Variants in DNAH6 observed in about 807,000 individuals in gnomAD.
DNAH6 encodes the protein dynein axonemal heavy chain 6, also known as axonemal beta dynein heavy chain 6.
DNAH6 carries 340 observed loss-of-function variants against 491.4 expected under a neutral mutation model. That is an observed-to-expected ratio of 0.69 (90% CI 0.63 to 0.76). DNAH6 has a LOEUF of 0.76. DNAH6 is among the 30% of genes least tolerant of loss of function. The probability of loss-of-function intolerance (pLI) is 0.00; values close to 1 mark genes in which losing one functional copy is unlikely to be tolerated. For synonymous variants in DNAH6, 1,603 were observed against 1,686.1 expected (o/e 0.95, Z 1.21); for missense variants, 4,443 against 4,972.2 (o/e 0.89, Z 3.20).
At chr2:84,592,414 G>T (rs907974150) in intron 16 of DNAH6, among the ~76,000 whole-genome samples, 1 of 152,140 alleles carries the variant, frequency 6.6e-6, no homozygotes, top group Admixed American at 6.5e-5. Context: ...ACATCTGTTA[G>T]AATGGCCATT....
At chr2:84,748,864 C>A (rs575300149) in intron 63 of DNAH6, among the ~76,000 whole-genome samples, 11 of 152,132 alleles carry the variant, frequency 7.2e-5, no homozygotes, top group Non-Finnish European at 1.5e-4. Context: ...GCAAGCTGTA[C>A]AAGTATGGCA....
In DNAH6 at chr2:84,713,153, GT is replaced by G; in HGVS notation, c.9438del (p.Ser3146ArgfsTer24). On this transcript the variant is annotated frameshift_variant, in exon 57 of 77. Coordinates refer to ENST00000389394, the MANE Select transcript of DNAH6 (RefSeq NM_001370.2). LOFTEE classifies it high-confidence loss of function. ...ATTCTTTTGAAACAAATTTTTATCAGTGGTGGCCGACTACTCATCCGTCTTG... is the reference window on the plus strand; with the variant it reads ...ATTCTTTTGAAACAAATTTTTATCAGGGTGGCCGACTACTCATCCGTCTTG... ...EPILLKQIFI[S>X]GGRLLIRLGD... 1 of 1,551,776 alleles carries G rather than the reference GT, an allele frequency of 6.4e-7. No individual in the cohort carries two copies.
chr2:84,707,769 C>G (rs1472215321), intron 54 of DNAH6, 53 bp downstream of exon 54: 3 of 1,415,200 alleles, frequency 2.1e-6, no homozygotes, highest in Non-Finnish European at 2.9e-6. Context: ...GAAACTGGAG[C>G]CAGGGGTGGT....
At chr2:84,618,403 G>T (rs1217630158) in intron 23 of DNAH6, among the ~76,000 whole-genome samples, 2 of 152,098 alleles carry the variant, frequency 1.3e-5, no homozygotes, top group African/African-American at 4.8e-5. Context: ...TCACATAGAA[G>T]AGCATCTCAT....
intron 42 of DNAH6, among the ~76,000 whole-genome samples, chr2:84,684,089 C>G (rs1409388692): frequency 6.6e-6 from 1 of 152,202 alleles, no homozygotes; most frequent in Non-Finnish European, 1.5e-5. Flanking sequence ...GAAGGACTCT[C>G]AAAGCTGGCA....
At chr2:84,525,461 A>G (rs1676520112) in intron 2 of DNAH6, 104 bp from the exon 3 acceptor site, 2 of 1,154,796 alleles carry the variant, frequency 1.7e-6, no homozygotes, top group Admixed American at 2.8e-5. Flanking sequence ...AATTAGTCCA[A>G]GGAGATCAAT....
At position 84,813,900 on chromosome 2, in the gene DNAH6, G is replaced by A. The variant is rs1680240603; in HGVS notation, c.11999-71G>A. 3 of 1,494,882 alleles carry A rather than the reference G, an allele frequency of 2.0e-6. No individual in the cohort carries two copies. The African/African-American group carries it at 4.2e-5, about 21-fold the overall frequency. The allele number at this position is 1,494,882 out of a possible 1,614,324, so 92.6% of individuals were successfully genotyped here. ...TCTAATGCCAGGGCAGCCTGGTTTG[G>A]ATGAAGGGGAATAGTGCCTGGGGAG... On this transcript the variant is annotated intron_variant, in intron 74 of 76. Coordinates refer to ENST00000389394, the MANE Select transcript of DNAH6 (RefSeq NM_001370.2).
intron 48 of DNAH6, among the ~76,000 whole-genome samples, chr2:84,700,061 C>G (rs1481418583): frequency 6.6e-6 from 1 of 151,980 alleles, no homozygotes; most frequent in Admixed American, 6.6e-5. Context: ...GAGTTTTGCC[C>G]CAAAGGAAAG....
intron 29 of DNAH6, among the ~76,000 whole-genome samples, chr2:84,633,310 A>G (rs1238778189): frequency 6.6e-6 from 1 of 152,030 alleles, no homozygotes; most frequent in East Asian, 1.9e-4. Context: ...CCTAATATTA[A>G]TATCTCCCCA....
At position 84,701,257 on chromosome 2, in the gene DNAH6, A is replaced by G. The variant is rs758895235; in HGVS notation, c.7979A>G (p.Tyr2660Cys). 1.3e-6 allele frequency: 2 copies of G among 1,551,850 alleles called. No homozygotes were observed. The change falls in exon 49 of 77, where the codon TAC becomes TGC. Residue 2660 changes from tyrosine (Y) to cysteine (C), a missense_variant. By Grantham distance (194) the Tyr-to-Cys change is radical. This residue lies in a region of DNAH6 where 2,977 missense variants were observed against 3,296.6 expected (regional missense o/e 0.90). Transcript: ENST00000389394. ...ERYYNELRRR[Y>C]YTTPTSYLEL... is the part of the protein sequence containing the mutation. ...TATTACAATGAGCTGCGCAGGCGGTACTACACGACACCCACCTCCTACCTG... is the reference window on the plus strand; with the variant it reads ...TATTACAATGAGCTGCGCAGGCGGTGCTACACGACACCCACCTCCTACCTG...
At chr2:84,768,654 G>C (rs1675317719) in intron 64 of DNAH6, among the ~76,000 whole-genome samples, 1 of 152,046 alleles carries the variant, frequency 6.6e-6, no homozygotes, top group Non-Finnish European at 1.5e-5. Flanking sequence ...CCACAGAAAA[G>C]TATATAATAT....
chr2:84,579,759 A>G, intron 14 of DNAH6, 80 bp downstream of exon 14: 1 of 1,236,982 alleles, frequency 8.1e-7, no homozygotes, highest in Non-Finnish European at 1.1e-6. Flanking sequence ...AAAGTGAAGG[A>G]CTAAGGGGCA....
chr2:84,564,567 A>G (rs1385587161), intron 11 of DNAH6, among the ~76,000 whole-genome samples: 1 of 152,170 alleles, frequency 6.6e-6, no homozygotes, highest in Non-Finnish European at 1.5e-5. Flanking sequence ...CAAGTCATTT[A>G]TCAGTTCTAG....
intron 58 of DNAH6, among the ~76,000 whole-genome samples, chr2:84,716,498 C>G (rs779034830): frequency 6.6e-6 from 1 of 152,068 alleles, no homozygotes; most frequent in Non-Finnish European, 1.5e-5. Flanking sequence ...TCCTGACTTA[C>G]CTATGTTGTC....
Position 84,593,900 on chromosome 2 carries a change from TA to T in DNAH6, c.2611-70del, listed in dbSNP as rs1022877929. ...AAGCAATCACTGTACCAAGAATTAC[TA>T]ATAGGAGAATAGCATATGCTCATTA... On this transcript the variant is annotated intron_variant, in intron 16 of 76. Transcript: ENST00000389394. The T allele has an allele frequency of 3.8e-5, 30 of 791,890 alleles. 2 individuals carry two copies. In the Admixed American group the frequency reaches 8.0e-4, roughly 21 times the overall value. The allele number at this position is 791,890 out of a possible 1,614,324, so 49.1% of individuals were successfully genotyped here. A position where few individuals can be genotyped will look rare whatever the true frequency, so the allele number is the denominator to read the frequency against.
At chr2:84,626,470 T>C (rs891350124) in intron 29 of DNAH6, among the ~76,000 whole-genome samples, 2 of 152,222 alleles carry the variant, frequency 1.3e-5, no homozygotes, top group African/African-American at 2.4e-5. Context: ...TTTAATAGAA[T>C]AATTGGCCCC....
intron 29 of DNAH6, among the ~76,000 whole-genome samples, chr2:84,634,205 C>T (rs753052100): frequency 6.6e-6 from 1 of 152,054 alleles, no homozygotes; most frequent in Non-Finnish European, 1.5e-5. Context: ...ATGTGTTAAA[C>T]TATTTGAGAA....
the DNAH6 span, among the ~76,000 whole-genome samples, chr2:84,496,470 T>C: frequency 6.6e-6 from 1 of 152,244 alleles, no homozygotes. Flanking sequence ...TAATACTTAA[T>C]GTAACTTTAA....
At chr2:84,556,802 A>G (rs1680072720) in intron 10 of DNAH6, among the ~76,000 whole-genome samples, 1 of 152,202 alleles carries the variant, frequency 6.6e-6, no homozygotes, top group Non-Finnish European at 1.5e-5. Flanking sequence ...TGCCAGTTTT[A>G]TATCCTGCTC....
Sources: gnomAD v4.1 joint callset for allele counts (sites outside exome capture counted in the v4.1 genomes callset) on GRCh38, gnomAD v4.1.1 for gene constraint, gnomAD v4.1.1 regional missense constraint, MANE v1.5 for transcripts, NCBI Gene and HGNC (gene_info 2026-07-23, HGNC 2026-07-21) for gene names.